USP28: variants seen among roughly 807,000 people sequenced by gnomAD.
USP28 encodes ubiquitin specific peptidase 28.
A neutral mutation model predicts 145.0 loss-of-function variants in USP28; 113 were observed. The ratio of observed to expected loss-of-function variants is 0.78; its 90% CI spans 0.67 to 0.91. The LOEUF is 0.91. Ranked by LOEUF, USP28 falls within the 40% of genes least tolerant of loss-of-function variation. The probability of loss-of-function intolerance (pLI) is 0.00; values close to 1 mark genes in which losing one functional copy is unlikely to be tolerated. For missense variants in USP28, 1,201 were observed against 1,289.6 expected (o/e 0.93, Z 1.05); for synonymous variants, 447 against 450.9 (o/e 0.99, Z 0.11).
intron 15 of USP28, 179 bp downstream of exon 15, chr11:113,813,706 A>G: frequency 1.6e-6 from 1 of 611,424 alleles, no homozygotes; most frequent in East Asian, 3.0e-5. Context: ...TTTTGGTAAA[A>G]GGTATATTGC....
chr11:113,831,794 T>C, intron 8 of USP28, 126 bp downstream of exon 8: 1 of 770,458 alleles, frequency 1.3e-6, no homozygotes, highest in Admixed American at 2.5e-5. Context: ...ACTACCTCAG[T>C]GGTTATCCCA....
chr11:113,855,330 T>C (rs910779675), intron 1 of USP28, among the ~76,000 whole-genome samples: 1 of 151,900 alleles, frequency 6.6e-6, no homozygotes, highest in African/African-American at 2.4e-5. Context: ...AAAACACCGA[T>C]TTGCAAGTAC....
chr11:113,857,991 G>C (rs974160937), intron 1 of USP28, among the ~76,000 whole-genome samples: 2 of 152,042 alleles, frequency 1.3e-5, no homozygotes, highest in South Asian at 4.2e-4. Context: ...TCAGCTTCCC[G>C]AGTAGTTGGG....
chr11:113,820,247 T>A (rs1203583139), intron 12 of USP28: 1 of 152,180 alleles, frequency 6.6e-6, no homozygotes, highest in African/African-American at 2.4e-5. Flanking sequence ...CAAGCTACTG[T>A]CTTACCTCCA....
At chr11:113,803,772 C>A (rs775257798) in intron 22 of USP28, 26 bp downstream of exon 23, 2 of 1,591,874 alleles carry the variant, frequency 1.3e-6, no homozygotes, top group East Asian at 2.2e-5. Context: ...GACTAATAAT[C>A]TTGGTAAAAT....
chr11:113,804,749 G>C lies in USP28; in HGVS notation c.2582C>G (p.Ser861Ter), dbSNP rs766579655. 6.2e-7 allele frequency: 1 copy of C among 1,614,150 alleles called. No homozygotes were observed. Among genetic ancestry groups the C allele is most frequent in the Non-Finnish European group, 8.5e-7 (1 of 1,180,024 alleles). The change falls in exon 21 of 25, where the codon TCA (serine) becomes TGA (stop). Residue 861 changes from serine to a stop codon, truncating the protein, a stop_gained and splice_region_variant. Coordinates refer to ENST00000003302, the Ensembl canonical transcript of USP28. LOFTEE classifies it high-confidence loss of function. ...TTGAGCCACCTTCATAATGCTGATTGATCTGTGTGGGACAAAGTTCAGAAA... is the reference window on the plus strand; with the variant it reads ...TTGAGCCACCTTCATAATGCTGATTCATCTGTGTGGGACAAAGTTCAGAAA...
chr11:113,835,187 C>T (rs1016710011), intron 5 of USP28: 27 of 427,420 alleles, frequency 6.3e-5, no homozygotes, highest in Non-Finnish European at 8.7e-5. Flanking sequence ...TTGCAAATCA[C>T]ATTTTTCTAC....
intron 10 of USP28, 53 bp downstream of exon 10, chr11:113,829,144 T>C: frequency 6.3e-7 from 1 of 1,597,796 alleles, no homozygotes; most frequent in Non-Finnish European, 8.5e-7. Context: ...AAAAGCTCAC[T>C]CCTACTTAAC....
chr11:113,815,016 C>A (rs1591196491), intron 14 of USP28, among the ~76,000 whole-genome samples, 158 bp downstream of exon 14: 1 of 152,164 alleles, frequency 6.6e-6, no homozygotes, highest in East Asian at 1.9e-4. Flanking sequence ...TGCACCACTG[C>A]ACTCCAGCCT....
intron 5 of USP28, among the ~76,000 whole-genome samples, chr11:113,839,013 A>G (rs1944897345): frequency 6.6e-6 from 1 of 152,220 alleles, no homozygotes; most frequent in African/African-American, 2.4e-5. Flanking sequence ...ACTTCTGGAG[A>G]GCCACTACCC....
chr11:113,826,231 C>T (rs181984787), intron 11 of USP28, among the ~76,000 whole-genome samples: 1 of 138,142 alleles, frequency 7.2e-6, no homozygotes, highest in African/African-American at 2.7e-5. Context: ...TGCAGTGAGC[C>T]GAGATCGTGC....
intron 1 of USP28, chr11:113,874,459 T>C: frequency 5.3e-6 from 3 of 562,958 alleles, no homozygotes; most frequent in Non-Finnish European, 7.8e-6. Flanking sequence ...AGTGTCTCCA[T>C]GCTAAATACT....
At chr11:113,847,530 T>C (rs1015207718) in intron 3 of USP28, among the ~76,000 whole-genome samples, 1 of 152,190 alleles carries the variant, frequency 6.6e-6, no homozygotes, top group African/African-American at 2.4e-5. Context: ...TTCTAATTTA[T>C]TTGGATCATT....
At chr11:113,828,609 T>C (rs925274883) in intron 10 of USP28, among the ~76,000 whole-genome samples, 1 of 152,180 alleles carries the variant, frequency 6.6e-6, no homozygotes, top group Non-Finnish European at 1.5e-5. Flanking sequence ...CAATCCCAAC[T>C]GTGTAAAGAA....
At chr11:113,854,237 A>G (rs937527876) in intron 2 of USP28, 21 bp downstream of exon 2, 3 of 1,605,590 alleles carry the variant, frequency 1.9e-6, no homozygotes, top group Non-Finnish European at 2.6e-6. Flanking sequence ...CCTCCTGACT[A>G]ACAGAGATCT....
At chr11:113,853,199 G>A (rs1057371462) in intron 2 of USP28, among the ~76,000 whole-genome samples, 1 of 148,922 alleles carries the variant, frequency 6.7e-6, no homozygotes, top group African/African-American at 2.5e-5. Flanking sequence ...GAGGTGGGAG[G>A]ATCGCTTGAG....
intron 1 of USP28, chr11:113,874,664 C>G: frequency 7.9e-7 from 1 of 1,264,982 alleles, no homozygotes; most frequent in South Asian, 1.3e-5. Flanking sequence ...TTATAACATT[C>G]CGAAGTAACA....
intron 11 of USP28, among the ~76,000 whole-genome samples, chr11:113,825,544 G>A (rs1348561950): frequency 6.6e-6 from 1 of 152,208 alleles, no homozygotes; most frequent in Non-Finnish European, 1.5e-5. Flanking sequence ...AGGATTATAT[G>A]TGAATGTTCA....
Position 113,813,619 on chromosome 11 carries a change from T to C in USP28, c.1743+266A>G, listed in dbSNP as rs1591187502. 5.6e-5 allele frequency: 23 copies of C among 411,458 alleles called. 2 individuals carry two copies. The South Asian group carries it at 6.8e-4, about 12-fold the overall frequency. 25.5% of individuals were successfully genotyped at this position (411,458 alleles called of 1,614,324 possible). ...CCATTTTGTAAGTAATTTTTATTAG[T>C]ATCTGACAGCAAACCTTTCTACAAT... On this transcript the variant is annotated intron_variant, in intron 15 of 24. Coordinates refer to ENST00000003302, the Ensembl canonical transcript of USP28.
Sources: allele counts gnomAD v4.1 joint callset (sites outside exome capture counted in the v4.1 genomes callset), GRCh38; gene constraint gnomAD v4.1.1; transcripts MANE v1.5; gene names NCBI Gene and HGNC (gene_info 2026-07-23, HGNC 2026-07-21).